Variants in TMTC1 observed in about 807,000 individuals in gnomAD.
TMTC1 encodes transmembrane O-mannosyltransferase targeting cadherins 1.
A neutral mutation model predicts 104.8 loss-of-function variants in TMTC1; 73 were observed. The observed-to-expected ratio is 0.70, with a 90% CI of 0.58 to 0.85. The LOEUF (loss-of-function observed/expected upper bound fraction) is 0.85. Ranked by LOEUF, TMTC1 falls within the 40% of genes least tolerant of loss-of-function variation. The pLI is 0.00. For missense variants in TMTC1, 1,035 were observed against 1,096.1 expected, an observed-to-expected ratio of 0.94 and a Z score of 0.79; for synonymous variants, 434 against 428.7, an observed-to-expected ratio of 1.01 and a Z score of -0.15.
At chr12:29,610,731 C>A (rs749712714) in intron 6 of TMTC1, among the ~76,000 whole-genome samples, 1 of 152,200 alleles carries the variant, frequency 6.6e-6, no homozygotes, top group Non-Finnish European at 1.5e-5. Context: ...ATGAGCACAA[C>A]CCACATCTCA....
At chr12:29,538,624 T>C (rs1316730906) in intron 10 of TMTC1, among the ~76,000 whole-genome samples, 1 of 152,182 alleles carries the variant, frequency 6.6e-6, no homozygotes, top group Non-Finnish European at 1.5e-5. Flanking sequence ...CTTAGACCTT[T>C]TACATGTGAG....
At chr12:29,663,745 G>A (rs182284621) in intron 5 of TMTC1, among the ~76,000 whole-genome samples, 1 of 148,586 alleles carries the variant, frequency 6.7e-6, no homozygotes, top group Non-Finnish European at 1.5e-5. Context: ...TCAAACTCCT[G>A]ACCTCAGGTG....
intron 6 of TMTC1, among the ~76,000 whole-genome samples, chr12:29,615,699 A>C (rs188759317): frequency 3.0e-4 from 46 of 152,342 alleles, no homozygotes; most frequent in African/African-American, 9.6e-4. Flanking sequence ...TACAGCCTCC[A>C]TAGAATGAAA....
intron 10 of TMTC1, among the ~76,000 whole-genome samples, chr12:29,537,397 C>A (rs1944675229): frequency 6.6e-6 from 1 of 152,172 alleles, no homozygotes; most frequent in African/African-American, 2.4e-5. Context: ...TTATTATACT[C>A]ATTTTTCTAA....
At chr12:29,586,700 T>C (rs1244223649) in intron 7 of TMTC1, among the ~76,000 whole-genome samples, 1 of 148,164 alleles carries the variant, frequency 6.7e-6, no homozygotes, top group Admixed American at 6.6e-5. Flanking sequence ...AATCATGTGG[T>C]TTTTGTCTTT....
At position 29,624,457 on chromosome 12, in the gene TMTC1, C is replaced by G. The variant is rs1937864572; in HGVS notation, c.1128+8690G>C. ...CTGTGTGTGCTCAAGGTATCACACA[C>G]AGTATCGCACACACTCGCTCCTTAA... On this transcript the variant is annotated intron_variant, in intron 6 of 17. Coordinates refer to ENST00000539277, the MANE Select transcript of TMTC1 (RefSeq NM_001193451.2). 2.0e-5 allele frequency among the ~76,000 whole-genome samples: 3 copies of G among 152,314 alleles called. No individual in the cohort carries two copies. In the South Asian group the frequency reaches 6.2e-4, roughly 32 times the overall value.
intron 9 of TMTC1, among the ~76,000 whole-genome samples, chr12:29,566,306 G>A (rs2092532501): frequency 6.6e-6 from 1 of 152,220 alleles, no homozygotes; most frequent in South Asian, 2.1e-4. Flanking sequence ...CTGGAGCCAA[G>A]TAAGCAAGAA....
At chr12:29,555,760 T>C (rs1195965073) in intron 10 of TMTC1, among the ~76,000 whole-genome samples, 2 of 152,248 alleles carry the variant, frequency 1.3e-5, no homozygotes, top group African/African-American at 2.4e-5. Context: ...GTCTTTGCTA[T>C]TGTGAATAGT....
chr12:29,694,138 C>T (rs180823041), intron 5 of TMTC1, among the ~76,000 whole-genome samples: 3 of 150,662 alleles, frequency 2.0e-5, no homozygotes, highest in East Asian at 1.9e-4. Context: ...CTCTACATAC[C>T]GTCCTTAACA....
intron 9 of TMTC1, among the ~76,000 whole-genome samples, chr12:29,569,564 T>C (rs1348124419): frequency 6.6e-6 from 1 of 152,092 alleles, no homozygotes; most frequent in African/African-American, 2.4e-5. Context: ...CACAAAGAAA[T>C]AGCAACATCA....
Position 29,672,683 on chromosome 12 carries a change from A to G in TMTC1, c.939-39347T>C, listed in dbSNP as rs114525821. 2.0e-3 allele frequency among the ~76,000 whole-genome samples: 306 copies of G among 152,248 alleles called. 2 individuals are homozygous for G. Among genetic ancestry groups the G allele is most frequent in the African/African-American group, 7.1e-3 (293 of 41,548 alleles). On this transcript the variant is annotated intron_variant, in intron 5 of 17. Coordinates refer to ENST00000539277, the MANE Select transcript of TMTC1 (RefSeq NM_001193451.2). Reference sequence around the variant, plus strand: ...CATTCACATGCTCTGAAGCAACTCTAATAACAACGACAATAAATCCAGAAG... The same window carrying G: ...CATTCACATGCTCTGAAGCAACTCTGATAACAACGACAATAAATCCAGAAG...
intron 8 of TMTC1, among the ~76,000 whole-genome samples, chr12:29,574,574 A>G (rs1363964363): frequency 6.6e-6 from 1 of 152,204 alleles, no homozygotes; most frequent in Non-Finnish European, 1.5e-5. Flanking sequence ...TTCAAGATCA[A>G]AGTTATGGCT....
At chr12:29,779,954 T>C (rs767772378) in intron 1 of TMTC1, among the ~76,000 whole-genome samples, 6 of 152,194 alleles carry the variant, frequency 3.9e-5, no homozygotes, top group African/African-American at 7.2e-5. Context: ...GGTACATATA[T>C]AGGTGTGATA....
intron 5 of TMTC1, among the ~76,000 whole-genome samples, chr12:29,729,533 G>A (rs1032051012): frequency 1.3e-5 from 2 of 152,124 alleles, no homozygotes; most frequent in South Asian, 2.1e-4. Flanking sequence ...CAGGCTGACT[G>A]GTGACTTTAT....
intron 4 of TMTC1, among the ~76,000 whole-genome samples, chr12:29,752,804 T>C (rs1943123898): frequency 6.6e-6 from 1 of 152,034 alleles, no homozygotes; most frequent in Non-Finnish European, 1.5e-5. Context: ...CTAGCATGTG[T>C]GTATATGAAG....
intron 1 of TMTC1, among the ~76,000 whole-genome samples, chr12:29,781,958 A>G (rs1292565158): frequency 6.6e-6 from 1 of 152,252 alleles, no homozygotes; most frequent in East Asian, 1.9e-4. Flanking sequence ...TTTTTAATTG[A>G]AAAATACTCA....
intron 7 of TMTC1, among the ~76,000 whole-genome samples, chr12:29,597,083 C>G (rs1946423683): frequency 6.6e-6 from 1 of 152,192 alleles, no homozygotes; most frequent in African/African-American, 2.4e-5. Flanking sequence ...GGCAAGCCAT[C>G]CGCAGTATCA....
intron 13 of TMTC1, among the ~76,000 whole-genome samples, chr12:29,518,183 G>C (rs1435629313): frequency 1.3e-5 from 2 of 152,128 alleles, no homozygotes; most frequent in African/African-American, 4.8e-5. Flanking sequence ...TTAAATTGCT[G>C]TTTATGATTG....
At chr12:29,637,086 AC>A (rs370116067) in intron 5 of TMTC1, among the ~76,000 whole-genome samples, 86,063 of 132,602 alleles carry the variant, frequency 0.65, 26,094 homozygotes, top group South Asian at 0.72. Context: ...AAAATGAGAA[AC>A]ACACACACAC....
Sources: allele counts gnomAD v4.1 joint callset (sites outside exome capture counted in the v4.1 genomes callset), GRCh38; gene constraint gnomAD v4.1.1; transcripts MANE v1.5; gene names NCBI Gene and HGNC (gene_info 2026-07-23, HGNC 2026-07-21).